The following PDE7B variants were observed in gnomAD, a reference collection of about 807,000 sequenced individuals.
PDE7B encodes phosphodiesterase 7B.
PDE7B carries 29 observed loss-of-function variants against 56.2 expected under a neutral mutation model. That is an observed-to-expected ratio of 0.52 (90% CI 0.38 to 0.70). The LOEUF (loss-of-function observed/expected upper bound fraction) is 0.70. Among genes scored for constraint, PDE7B ranks in the 30% least tolerant of loss-of-function variants. The pLI is 0.00. For synonymous variants in PDE7B, 197 were observed against 196.9 expected, an observed-to-expected ratio of 1.00 and a Z score of 0.00; for missense variants, 490 against 565.0, an observed-to-expected ratio of 0.87 and a Z score of 1.35.
intron 3 of PDE7B, among the ~76,000 whole-genome samples, chr6:136,124,883 GA>G (rs1777996005): frequency 6.6e-6 from 1 of 152,174 alleles, no homozygotes; most frequent in Non-Finnish European, 1.5e-5. Flanking sequence ...GTTTTTCCAA[GA>G]AGAGTTTAGC....
At chr6:135,942,786 T>C (rs1774528740) in intron 1 of PDE7B, among the ~76,000 whole-genome samples, 1 of 152,098 alleles carries the variant, frequency 6.6e-6, no homozygotes, top group South Asian at 2.1e-4. Flanking sequence ...TTTAACATAA[T>C]GTCCTCCAGA....
intron 2 of PDE7B, among the ~76,000 whole-genome samples, chr6:135,995,685 T>A (rs1775552730): frequency 1.3e-5 from 2 of 152,192 alleles, no homozygotes; most frequent in South Asian, 4.1e-4. Context: ...AGCTGATTAG[T>A]CTGAGAGACG....
chr6:135,959,928 C>A (rs1346028012), intron 2 of PDE7B, among the ~76,000 whole-genome samples: 1 of 152,082 alleles, frequency 6.6e-6, no homozygotes, highest in East Asian at 1.9e-4. Flanking sequence ...TGTGCACCAC[C>A]ACCCCTGGCT....
At chr6:136,152,700 T>G (rs1778540220) in intron 6 of PDE7B, among the ~76,000 whole-genome samples, 1 of 152,252 alleles carries the variant, frequency 6.6e-6, no homozygotes, top group South Asian at 2.1e-4. Flanking sequence ...TCCTCTGCCA[T>G]TTACATGTTT....
At chr6:136,129,060 T>C (rs76195788) in intron 3 of PDE7B, among the ~76,000 whole-genome samples, 1 of 152,182 alleles carries the variant, frequency 6.6e-6, no homozygotes, top group African/African-American at 2.4e-5. Flanking sequence ...TGAGTGATAT[T>C]TGCATTCTGA....
intron 11 of PDE7B, among the ~76,000 whole-genome samples, 178 bp from the exon 12 acceptor site, chr6:136,186,858 C>T (rs186057800): frequency 8.5e-5 from 13 of 152,268 alleles, no homozygotes; most frequent in Admixed American, 3.9e-4. Flanking sequence ...TAAATTTTTA[C>T]GGAAACTACT....
chr6:136,169,219 C>T (rs536662181), intron 8 of PDE7B, among the ~76,000 whole-genome samples: 7 of 152,250 alleles, frequency 4.6e-5, no homozygotes, highest in African/African-American at 1.7e-4. Flanking sequence ...AGTCTCTCCT[C>T]TCTATGCTGT....
intron 3 of PDE7B, among the ~76,000 whole-genome samples, chr6:136,121,660 T>G (rs1777935855): frequency 6.6e-6 from 1 of 152,188 alleles, no homozygotes; most frequent in African/African-American, 2.4e-5. Flanking sequence ...GAACACCAGC[T>G]AAATTGGCAA....
chr6:136,146,103 G>A (rs904382486), intron 3 of PDE7B, among the ~76,000 whole-genome samples: 1 of 152,180 alleles, frequency 6.6e-6, no homozygotes, highest in African/African-American at 2.4e-5. Flanking sequence ...ACTGCCATCA[G>A]GGAGCACCCA....
At chr6:135,996,511 A>C (rs1775567090) in intron 2 of PDE7B, among the ~76,000 whole-genome samples, 1 of 152,220 alleles carries the variant, frequency 6.6e-6, no homozygotes, top group African/African-American at 2.4e-5. Flanking sequence ...AAAGGCGAGA[A>C]AATAACGGAG....
At position 136,158,819 on chromosome 6, in the gene PDE7B, C is replaced by T. The variant is rs546070549; in HGVS notation, c.711+3061C>T. Among the ~76,000 whole-genome samples the T allele has an allele frequency of 2.0e-4, 31 of 152,288 alleles. No individual in the cohort carries two copies. The East Asian group carries it at 6.0e-3, about 29-fold the overall frequency. On this transcript the variant is annotated intron_variant, in intron 8 of 12. Transcript: ENST00000308191. ...AAAAACAGCATGTGAGAAATAGAAC[C>T]AAGAATTTACTTTCTGTTCCTTCAC...
At chr6:136,011,615 G>A (rs1477325093) in intron 2 of PDE7B, among the ~76,000 whole-genome samples, 3 of 152,116 alleles carry the variant, frequency 2.0e-5, no homozygotes, top group Non-Finnish European at 2.9e-5. Context: ...TGTCGGTGTT[G>A]GCTAACCAGA....
At chr6:135,878,706 C>T (rs1211071797) in intron 1 of PDE7B, among the ~76,000 whole-genome samples, 3 of 152,060 alleles carry the variant, frequency 2.0e-5, no homozygotes, top group Non-Finnish European at 4.4e-5. Flanking sequence ...TTATTCTCAC[C>T]CACAGCTTGG....
intron 2 of PDE7B, among the ~76,000 whole-genome samples, chr6:136,043,262 A>G (rs1427316730): frequency 1.3e-5 from 2 of 152,198 alleles, no homozygotes; most frequent in Admixed American, 1.3e-4. Flanking sequence ...ACTGGAGTAC[A>G]TCATCTCACT....
intron 2 of PDE7B, among the ~76,000 whole-genome samples, chr6:136,023,638 T>G (rs532627336): frequency 6.6e-6 from 1 of 152,330 alleles, no homozygotes; most frequent in Admixed American, 6.5e-5. Flanking sequence ...GCTAGCTATT[T>G]TTTGACTCTA....
chr6:135,953,194 G>A (rs1774730156), intron 2 of PDE7B, among the ~76,000 whole-genome samples: 1 of 150,926 alleles, frequency 6.6e-6, no homozygotes, highest in Non-Finnish European at 1.5e-5. Context: ...AACTTTGTCA[G>A]CTAATAAAGT....
At chr6:136,108,654 C>A in intron 2 of PDE7B, 77 bp from the exon 3 acceptor site, 1 of 942,650 alleles carries the variant, frequency 1.1e-6, no homozygotes. Flanking sequence ...GGGTTGGTTT[C>A]ATTGAGGATT....
chr6:135,976,574 C>G (rs1461265560), intron 2 of PDE7B, among the ~76,000 whole-genome samples: 1 of 152,126 alleles, frequency 6.6e-6, no homozygotes, highest in Admixed American at 6.6e-5. Flanking sequence ...ATACCTCTCT[C>G]TAAATGATTC....
chr6:136,058,145 T>C (rs575171213), intron 2 of PDE7B, among the ~76,000 whole-genome samples: 6 of 152,330 alleles, frequency 3.9e-5, no homozygotes, highest in South Asian at 4.1e-4. Context: ...AAGTGGCAGA[T>C]CTTTCCAAAG....
Sources: gnomAD v4.1 joint callset for allele counts (sites outside exome capture counted in the v4.1 genomes callset) on GRCh38, gnomAD v4.1.1 for gene constraint, MANE v1.5 for transcripts, NCBI Gene and HGNC (gene_info 2026-07-23, HGNC 2026-07-21) for gene names.